The following FARS2 variants were observed in gnomAD, a reference collection of about 807,000 sequenced individuals.
FARS2 encodes the protein phenylalanyl-tRNA synthetase 2, mitochondrial.
FARS2 carries 40 observed loss-of-function variants against 46.4 expected under a neutral mutation model. The ratio of observed to expected loss-of-function variants is 0.86; its 90% CI spans 0.67 to 1.12. FARS2 has a LOEUF of 1.12. Ranked by LOEUF, FARS2 falls within the 50% of genes most tolerant of loss-of-function variation. The probability of loss-of-function intolerance (pLI) is 0.00; values close to 1 mark genes in which losing one functional copy is unlikely to be tolerated. For synonymous variants in FARS2, 234 were observed against 214.9 expected (o/e 1.09, Z -0.78); for missense variants, 513 against 567.9 (o/e 0.90, Z 0.98).
rs1359631065 is a variant in FARS2, at chr6:5,438,246, G to GA, written c.904+7074_904+7075insA. Among the ~76,000 whole-genome samples the GA allele has an allele frequency of 2.2e-4, 8 of 35,806 alleles. No homozygotes were observed. The South Asian group carries it at 0.011, about 49-fold the overall frequency. 23.5% of individuals were successfully genotyped at this position (35,806 alleles called of 152,430 possible). A position where few individuals can be genotyped will look rare whatever the true frequency, so the allele number is the denominator to read the frequency against. On this transcript the variant is annotated intron_variant, in intron 4 of 6. Transcript: ENST00000274680. ...CTTTCAAGGCTTCTACCCACCCCCC[G>GA]CCCCCCCCCCCATTTTTGTTTTTCA... is the stretch of plus-strand genomic sequence containing the variant.
upstream of FARS2, among the ~76,000 whole-genome samples, chr6:5,258,761 T>C (rs1198965924): frequency 6.6e-6 from 1 of 152,240 alleles, no homozygotes; most frequent in Non-Finnish European, 1.5e-5. Context: ...TAAAAGTATA[T>C]GCTTAAGGTA....
intron 6 of FARS2, among the ~76,000 whole-genome samples, chr6:5,614,647 C>T (rs538356920): frequency 1.3e-5 from 2 of 152,296 alleles, no homozygotes; most frequent in African/African-American, 4.8e-5. Context: ...GATCCGCCCG[C>T]CTGGGCCTCC....
At chr6:5,689,750 T>G (rs1356375693) in intron 6 of FARS2, among the ~76,000 whole-genome samples, 1 of 152,212 alleles carries the variant, frequency 6.6e-6, no homozygotes, top group African/African-American at 2.4e-5. Context: ...TTCCTGGATA[T>G]GCTTGTTAAC....
At chr6:5,673,847 A>G (rs1342992314) in intron 6 of FARS2, among the ~76,000 whole-genome samples, 2 of 152,244 alleles carry the variant, frequency 1.3e-5, no homozygotes, top group African/African-American at 2.4e-5. Context: ...ATGAATATAC[A>G]TATAAATATA....
At chr6:5,450,777 C>T (rs906902004) in intron 4 of FARS2, among the ~76,000 whole-genome samples, 4 of 152,062 alleles carry the variant, frequency 2.6e-5, no homozygotes, top group African/African-American at 9.7e-5. Flanking sequence ...TCTCTGAGAA[C>T]CTCTTCTTAG....
chr6:5,675,587 G>GT (rs1238785009), intron 6 of FARS2, among the ~76,000 whole-genome samples: 1 of 152,166 alleles, frequency 6.6e-6, no homozygotes, highest in African/African-American at 2.4e-5. Context: ...AACAAGTATA[G>GT]TAAGAACATC....
chr6:5,434,947 A>C (rs1465937241), intron 4 of FARS2, among the ~76,000 whole-genome samples: 1 of 152,220 alleles, frequency 6.6e-6, no homozygotes, highest in African/African-American at 2.4e-5. Context: ...GGCAGACATC[A>C]GTTGAGCCCT....
intron 3 of FARS2, among the ~76,000 whole-genome samples, chr6:5,424,858 G>A (rs557130888): frequency 6.6e-6 from 1 of 152,298 alleles, no homozygotes; most frequent in South Asian, 2.1e-4. Flanking sequence ...AAAAGGTTGC[G>A]GGTCTTCAAC....
chr6:5,464,032 C>A (rs1283981515), intron 4 of FARS2, among the ~76,000 whole-genome samples: 1 of 152,174 alleles, frequency 6.6e-6, no homozygotes, highest in African/African-American at 2.4e-5. Flanking sequence ...GAGTAAACCA[C>A]GATTCAACCT....
chr6:5,688,009 A>G (rs995723328), intron 6 of FARS2, among the ~76,000 whole-genome samples: 2 of 152,108 alleles, frequency 1.3e-5, no homozygotes, highest in Non-Finnish European at 1.5e-5. Flanking sequence ...TTTGTCTGTT[A>G]TTGGTGCATA....
At chr6:5,482,852 C>T (rs555230346) in intron 4 of FARS2, among the ~76,000 whole-genome samples, 4 of 152,268 alleles carry the variant, frequency 2.6e-5, no homozygotes, top group Middle Eastern at 3.4e-3. Flanking sequence ...TTGGGAAAAT[C>T]GTGCATGTTC....
At chr6:5,479,577 A>G (rs987000768) in intron 4 of FARS2, among the ~76,000 whole-genome samples, 1 of 152,158 alleles carries the variant, frequency 6.6e-6, no homozygotes, top group Admixed American at 6.5e-5. Flanking sequence ...CTGATCCATA[A>G]CTTCTACTTT....
intron 3 of FARS2, among the ~76,000 whole-genome samples, chr6:5,408,495 T>G (rs887588819): frequency 1.3e-5 from 2 of 152,038 alleles, no homozygotes; most frequent in African/African-American, 4.8e-5. Context: ...GGAGAAACGG[T>G]AGTGTAGAAT....
intron 2 of FARS2, among the ~76,000 whole-genome samples, chr6:5,376,240 T>C (rs778959779): frequency 6.6e-5 from 10 of 152,236 alleles, no homozygotes; most frequent in Non-Finnish European, 1.3e-4. Flanking sequence ...TATACTTTTA[T>C]GTGTATGATT....
intron 1 of FARS2, among the ~76,000 whole-genome samples, chr6:5,322,208 T>A (rs951306310): frequency 6.6e-6 from 1 of 152,246 alleles, no homozygotes; most frequent in African/African-American, 2.4e-5. Context: ...AGGGAAATGA[T>A]AAAATAAACT....
intron 4 of FARS2, among the ~76,000 whole-genome samples, chr6:5,433,162 T>A (rs923287110): frequency 1.3e-5 from 2 of 152,126 alleles, no homozygotes; most frequent in Admixed American, 6.5e-5. Flanking sequence ...AGGGTTTCTG[T>A]TAATTAACAG....
intron 1 of FARS2, among the ~76,000 whole-genome samples, chr6:5,360,897 G>T (rs1205822694): frequency 6.6e-6 from 1 of 152,194 alleles, no homozygotes; most frequent in Non-Finnish European, 1.5e-5. Flanking sequence ...TAGTGAAACA[G>T]AGAAGATCAG....
chr6:5,646,012 G>A (rs2150749181), intron 6 of FARS2, among the ~76,000 whole-genome samples: 1 of 152,292 alleles, frequency 6.6e-6, no homozygotes, highest in South Asian at 2.1e-4. Flanking sequence ...CTGTTTTTAG[G>A]ACTGAAGGGG....
At chr6:5,628,195 A>G (rs1053995391) in intron 6 of FARS2, among the ~76,000 whole-genome samples, 2 of 152,210 alleles carry the variant, frequency 1.3e-5, no homozygotes, top group African/African-American at 2.4e-5. Flanking sequence ...TGGAAATTCA[A>G]GCAGTCAAAT....
Sources: gnomAD v4.1 joint callset for allele counts (sites outside exome capture counted in the v4.1 genomes callset) on GRCh38, gnomAD v4.1.1 for gene constraint, MANE v1.5 for transcripts, NCBI Gene and HGNC (gene_info 2026-07-23, HGNC 2026-07-21) for gene names.